Variants in ZCCHC8 observed in about 807,000 individuals in gnomAD.
The protein encoded by ZCCHC8 is zinc finger CCHC domain-containing protein 8.
A neutral mutation model predicts 70.6 loss-of-function variants in ZCCHC8; 27 were observed. The observed-to-expected ratio is 0.38, with a 90% CI of 0.28 to 0.53. The LOEUF is 0.53. ZCCHC8 is among the 20% of genes least tolerant of loss of function. The probability of loss-of-function intolerance (pLI) is 0.81; values close to 1 mark genes in which losing one functional copy is unlikely to be tolerated. For missense variants in ZCCHC8, 737 were observed against 876.9 expected (o/e 0.84, Z 2.01); for synonymous variants, 293 against 317.4 (o/e 0.92, Z 0.82).
Position 122,482,683 on chromosome 12 carries a change from G to C in ZCCHC8, c.684C>G (p.His228Gln). ...IQVKAKRPKP[H>Q]CFNCGSEEHQ... ...GTTCTTCAGAACCACAATTGAAACA[G>C]TGAGGCTTTGGCCTATTTGGTCAAA... is the stretch of plus-strand genomic sequence containing the variant. Residue 228 changes from histidine (H) to glutamine (Q), a missense_variant, in exon 8 of 14, where the codon CAC (histidine) becomes CAG (glutamine). By Grantham distance (24) the His-to-Gln change is conservative. Transcript: ENST00000633063. 6.2e-7 allele frequency: 1 copy of C among 1,607,104 alleles called. No homozygotes were observed. The highest frequency in any genetic ancestry group is 8.5e-7 in the Non-Finnish European group (1 of 1,176,114).
chr12:122,475,709 C>A (rs998157930), intron 13 of ZCCHC8, among the ~76,000 whole-genome samples: 1 of 152,188 alleles, frequency 6.6e-6, no homozygotes, highest in Admixed American at 6.5e-5. Flanking sequence ...TCCTCCAAAC[C>A]GCTGCCAGAT....
chr12:122,495,347 C>T (rs902529934), intron 2 of ZCCHC8, among the ~76,000 whole-genome samples: 1 of 151,784 alleles, frequency 6.6e-6, no homozygotes, highest in African/African-American at 2.4e-5. Context: ...AAAAATTATC[C>T]AGGCGTGGTG....
At position 122,500,170 on chromosome 12, in the gene ZCCHC8, C is replaced by G. The variant is rs1042464901; in HGVS notation, c.199+472G>C. On this transcript the variant is annotated intron_variant, in intron 1 of 13. Coordinates refer to ENST00000633063, the MANE Select transcript of ZCCHC8 (RefSeq NM_017612.5). This position sits in a 1 kb window ranked among gnomAD's most constrained non-coding sequence, Gnocchi z 4.8. ...CACCCGGATTCCTTGAGGCCCCCAA[C>G]TCTGCATTCTGGGACCACTAGCGTT... 16 of 160,792 alleles carry G rather than the reference C, an allele frequency of 1.0e-4. No individual in the cohort carries two copies. The highest frequency in any genetic ancestry group is 1.8e-4 in the Admixed American group (3 of 16,232). The allele number at this position is 160,792 out of a possible 1,614,324, so 10.0% of individuals were successfully genotyped here. A position where few individuals can be genotyped will look rare whatever the true frequency, so the allele number is the denominator to read the frequency against.
At position 122,474,066 on chromosome 12, in the gene ZCCHC8, C is replaced by T; in HGVS notation, c.1555G>A (p.Glu519Lys). 4 of 1,523,484 alleles carry T rather than the reference C, an allele frequency of 2.6e-6. No homozygotes were observed. Among genetic ancestry groups the T allele is most frequent in the Non-Finnish European group, 3.5e-6 (4 of 1,138,442 alleles). The allele number at this position is 1,523,484 out of a possible 1,614,324, so 94.4% of individuals were successfully genotyped here. Residue 519 changes from glutamate to lysine, a missense_variant, in exon 14 of 14, where the codon GAA (glutamate) becomes AAA (lysine). By Grantham distance (56) the Glu-to-Lys change is moderately conservative. Transcript: ENST00000633063. ...ATCCGCCTCTGCTGTTCTTCAAGTTCTTCTAGAGTCAGTGCGTCCTCATCC... is the reference window on the plus strand; with the variant it reads ...ATCCGCCTCTGCTGTTCTTCAAGTTTTTCTAGAGTCAGTGCGTCCTCATCC... ...AVDEDALTLE[E>K]LEEQQRRIWA...
chr12:122,482,001 T>C lies in ZCCHC8; in HGVS notation c.819A>G (p.Arg273=). The part of the protein sequence containing the change: ...GEANNQNFQQ[R]YHAEEVEERF... ...TTTCTTCTACTTCTTCTGCGTGGTA[T>C]CGCTGCTGGAAATTCTGATTGTTTG... is the stretch of plus-strand genomic sequence containing the variant. Residue 273 remains arginine (R), a synonymous_variant, in exon 9 of 14, where the codon CGA becomes CGG. Transcript: ENST00000633063. The C allele has an allele frequency of 6.2e-7, 1 of 1,613,560 alleles. No individual in the cohort carries two copies. Among genetic ancestry groups the C allele is most frequent in the East Asian group, 2.2e-5 (1 of 44,858 alleles).
At position 122,500,899 on chromosome 12, in the gene ZCCHC8, A is replaced by G. The variant is rs1459006283; in HGVS notation, c.-59T>C. 6.6e-7 allele frequency: 1 copy of G among 1,522,252 alleles called. No homozygotes were observed. The highest frequency in any genetic ancestry group is 8.9e-7 in the Non-Finnish European group (1 of 1,126,564). 94.3% of individuals were successfully genotyped at this position (1,522,252 alleles called of 1,614,324 possible). On this transcript the variant is annotated 5_prime_UTR_variant, in exon 1 of 14. Coordinates refer to ENST00000633063, the MANE Select transcript of ZCCHC8 (RefSeq NM_017612.5). This position sits in a 1 kb window ranked among gnomAD's most constrained non-coding sequence, Gnocchi z 4.8. ...AGCCGGCCACCAGGGCTTGGGGAAG[A>G]AGGTTGGAAGGCGGCACCACTCTCT...
rs779084971 is a variant in ZCCHC8 at position 122,474,242 on chromosome 12, T to C, written c.1379A>G (p.Glu460Gly). The stretch of plus-strand genomic sequence containing the variant: ...TAATGGTGGTTGAAACTGAAAACTT[T>C]CGCTGCTCTGAGAACCATGTGGTAC... ...MEVPHGSQSS[E>G]SFQFQPPLPP... Residue 460 changes from glutamate to glycine, a missense_variant, in exon 14 of 14, where the codon GAA becomes GGA. Transcript: ENST00000633063. The C allele has an allele frequency of 2.0e-6, 3 of 1,476,516 alleles. No homozygotes were observed. Among genetic ancestry groups the C allele is most frequent in the East Asian group, 2.5e-5 (1 of 40,814 alleles). The allele number at this position is 1,476,516 out of a possible 1,614,324, so 91.5% of individuals were successfully genotyped here. A position where few individuals can be genotyped will look rare whatever the true frequency, so the allele number is the denominator to read the frequency against.
At chr12:122,481,386 G>A in intron 10 of ZCCHC8, 136 bp downstream of exon 10, 2 of 1,156,310 alleles carry the variant, frequency 1.7e-6, no homozygotes, top group South Asian at 1.8e-5. Context: ...AATTTACCAA[G>A]GAAACATCAT....
At chr12:122,489,962 ACTTAC>A (rs1249351494) in intron 4 of ZCCHC8, among the ~76,000 whole-genome samples, 1 of 151,236 alleles carries the variant, frequency 6.6e-6, no homozygotes, top group South Asian at 2.1e-4. Flanking sequence ...GAGAAATACT[ACTTAC>A]CTTAATTTTT....
chr12:122,494,707 T>C (rs1304761160), intron 2 of ZCCHC8, among the ~76,000 whole-genome samples: 1 of 152,108 alleles, frequency 6.6e-6, no homozygotes, highest in South Asian at 2.1e-4. Context: ...TACAAAAAAT[T>C]AGCCAGGCGT....
At chr12:122,481,487 A>G (rs771909561) in intron 10 of ZCCHC8, 35 bp downstream of exon 10, 1 of 1,551,064 alleles carries the variant, frequency 6.4e-7, no homozygotes, top group Admixed American at 2.1e-5. Flanking sequence ...AAAAGGAAAC[A>G]CTTAAGGTGA....
In ZCCHC8 at chr12:122,490,444, C is replaced by T; in HGVS notation, c.423+18G>A. 1 of 1,587,262 alleles carries T rather than the reference C, an allele frequency of 6.3e-7. No homozygotes were observed. Among genetic ancestry groups the T allele is most frequent in the Non-Finnish European group, 8.6e-7 (1 of 1,158,114 alleles). Reference sequence around the variant, plus strand: ...ACGCATAACTTACTAATCTTAAAGTCTCTTAAATTTGAAATACCTGGGGCA... The same window carrying T: ...ACGCATAACTTACTAATCTTAAAGTTTCTTAAATTTGAAATACCTGGGGCA... On this transcript the variant is annotated intron_variant, in intron 4 of 13. Transcript: ENST00000633063.
rs1303309443 is a variant in ZCCHC8, at chr12:122,472,241, CTT to C, written c.*1254_*1255del. On this transcript the variant is annotated 3_prime_UTR_variant, in exon 14 of 14. Transcript: ENST00000633063. ...TTTTTTTTTGAGATGGAGTTTTGCT[CTT>C]GTTGCCCAGGCTGGAGTGCAATGGC... 1.8e-5 allele frequency: 2 copies of C among 113,712 alleles called. No homozygotes were observed. Among genetic ancestry groups the C allele is most frequent in the African/African-American group, 3.6e-5 (1 of 28,148 alleles). 7.0% of individuals were successfully genotyped at this position (113,712 alleles called of 1,614,324 possible). A position where few individuals can be genotyped will look rare whatever the true frequency, so the allele number is the denominator to read the frequency against.
chr12:122,498,557 C>T (rs1217957194), intron 2 of ZCCHC8, among the ~76,000 whole-genome samples: 3 of 152,148 alleles, frequency 2.0e-5, no homozygotes, highest in South Asian at 4.1e-4. Flanking sequence ...AGGTTAACAA[C>T]TTGCCTATTC....
In ZCCHC8 at chr12:122,496,931, T is replaced by C. The variant is rs145331312; in HGVS notation, c.242+1896A>G. Among the ~76,000 whole-genome samples, 801 of 152,058 alleles carry C rather than the reference T, an allele frequency of 5.3e-3. 9 individuals carry two copies. Among genetic ancestry groups the C allele is most frequent in the African/African-American group, 0.018 (767 of 41,492 alleles). On this transcript the variant is annotated intron_variant, in intron 2 of 13. Coordinates refer to ENST00000633063, the MANE Select transcript of ZCCHC8 (RefSeq NM_017612.5). ...GGAAGCCGAGGCGGGCAGATCATGA[T>C]GTCAGGAGATCAAGACCATCCTGGC...
At chr12:122,492,857 GCATAACTT>G in intron 2 of ZCCHC8, 68 bp from the exon 3 acceptor site, 1 of 1,061,804 alleles carries the variant, frequency 9.4e-7, no homozygotes, top group Non-Finnish European at 1.4e-6. Context: ...ATATATAAAC[GCATAACTT>G]TTATACTTTT....
At chr12:122,492,866 T>G (rs959218431) in intron 2 of ZCCHC8, 77 bp from the exon 3 acceptor site, 5 of 1,022,786 alleles carry the variant, frequency 4.9e-6, no homozygotes, top group African/African-American at 1.6e-5. Flanking sequence ...CGCATAACTT[T>G]TATACTTTTT....
intron 2 of ZCCHC8, among the ~76,000 whole-genome samples, chr12:122,498,244 C>T (rs527676353): frequency 7.0e-6 from 1 of 143,816 alleles, no homozygotes; most frequent in Non-Finnish European, 1.5e-5. Context: ...AAGGGATTTT[C>T]CTGCCTTAGC....
chr12:122,490,823 C>T (rs993047584), intron 3 of ZCCHC8: 1 of 263,982 alleles, frequency 3.8e-6, no homozygotes, highest in Non-Finnish European at 7.1e-6. Context: ...AAAGAATACA[C>T]GGATTTTATT....
Sources: allele counts gnomAD v4.1 joint callset (sites outside exome capture counted in the v4.1 genomes callset), GRCh38; gene constraint gnomAD v4.1.1; non-coding constraint Gnocchi (gnomAD v3.1); transcripts MANE v1.5; gene names NCBI Gene and HGNC (gene_info 2026-07-23, HGNC 2026-07-21).